HERC3: variants seen among roughly 807,000 people sequenced by gnomAD.
The protein encoded by HERC3 is probable E3 ubiquitin-protein ligase HERC3.
HERC3 carries 58 observed loss-of-function variants against 129.9 expected under a neutral mutation model. The observed-to-expected ratio is 0.45, with a 90% CI of 0.36 to 0.56. The LOEUF is 0.56. Ranked by LOEUF, HERC3 falls within the 20% of genes least tolerant of loss-of-function variation. The pLI, the probability that HERC3 is intolerant of heterozygous loss-of-function variation, is 0.00. For synonymous variants in HERC3, 430 were observed against 451.0 expected, an observed-to-expected ratio of 0.95 and a Z score of 0.59; for missense variants, 835 against 1,244.2, an observed-to-expected ratio of 0.67 and a Z score of 4.95.
chr4:88,658,129 G>A, intron 9 of HERC3: 1 of 234,492 alleles, frequency 4.3e-6, no homozygotes, highest in Non-Finnish European at 8.2e-6. Flanking sequence ...CAGGTCAGTG[G>A]CATGACAGAG....
At chr4:88,574,943 C>G in the HERC3 span, among the ~76,000 whole-genome samples, 1 of 152,050 alleles carries the variant, frequency 6.6e-6, no homozygotes, top group Non-Finnish European at 1.5e-5. Flanking sequence ...AGTAGAATGG[C>G]TGGGTCATAT....
At chr4:88,633,906 A>C (rs1353693760) in intron 3 of HERC3, among the ~76,000 whole-genome samples, 1 of 152,266 alleles carries the variant, frequency 6.6e-6, no homozygotes, top group Non-Finnish European at 1.5e-5. Flanking sequence ...CCAGGAATAC[A>C]GAGGAATGTT....
In HERC3 at chr4:88,652,113, A is replaced by G. The variant is rs753708459; in HGVS notation, c.463+25A>G. 1.2e-4 allele frequency: 172 copies of G among 1,469,962 alleles called. 1 individual carries two copies. The Middle Eastern group carries it at 1.2e-3, about 10-fold the overall frequency. 91.1% of individuals were successfully genotyped at this position (1,469,962 alleles called of 1,614,324 possible). ...GGTAAAGTAACATTAAACATATGCT[A>G]ATGCTATGTTAATTTTGAAAACATT... On this transcript the variant is annotated intron_variant, in intron 5 of 25. Transcript: ENST00000402738.
intron 16 of HERC3, among the ~76,000 whole-genome samples, chr4:88,674,345 T>G (rs542963479): frequency 1.3e-5 from 2 of 152,178 alleles, no homozygotes; most frequent in Non-Finnish European, 2.9e-5. Flanking sequence ...TTACACCAAC[T>G]AAAATGTCAG....
At chr4:88,677,367 C>T (rs554303314) in intron 18 of HERC3, among the ~76,000 whole-genome samples, 8 of 152,086 alleles carry the variant, frequency 5.3e-5, no homozygotes, top group Non-Finnish European at 1.2e-4. Flanking sequence ...GCCACAAAAA[C>T]GTTTGTGAAT....
chr4:88,552,175 C>T, the HERC3 span, among the ~76,000 whole-genome samples: 12 of 151,534 alleles, frequency 7.9e-5, no homozygotes, highest in South Asian at 2.5e-3. Context: ...AGGAGATATA[C>T]CTAAGGCTAA....
At chr4:88,687,742 T>C (rs890701196) in intron 23 of HERC3, among the ~76,000 whole-genome samples, 1 of 152,210 alleles carries the variant, frequency 6.6e-6, no homozygotes, top group Non-Finnish European at 1.5e-5. Context: ...TCAAAAAATA[T>C]GTGTTGAAGA....
intron 3 of HERC3, among the ~76,000 whole-genome samples, chr4:88,623,708 T>C (rs1192457877): frequency 2.0e-5 from 3 of 152,240 alleles, no homozygotes; most frequent in African/African-American, 4.8e-5. Context: ...ATGTTATTTA[T>C]CTTTTCACCC....
the HERC3 span, among the ~76,000 whole-genome samples, chr4:88,548,763 C>T: frequency 3.3e-5 from 5 of 151,538 alleles, no homozygotes; most frequent in Non-Finnish European, 5.9e-5. Flanking sequence ...CGGGTTCAAG[C>T]GATTCTCCTG....
the HERC3 span, among the ~76,000 whole-genome samples, chr4:88,524,475 T>C: frequency 6.6e-6 from 1 of 152,224 alleles, no homozygotes; most frequent in African/African-American, 2.4e-5. Flanking sequence ...CCAGGTTTGC[T>C]TCCCACTCTC....
chr4:88,693,244 T>TCAAA, intron 23 of HERC3: 13 of 979,502 alleles, frequency 1.3e-5, no homozygotes, highest in Non-Finnish European at 1.6e-5. Flanking sequence ...GTATCTTTTG[T>TCAAA]GTATAAAGGA....
the HERC3 span, among the ~76,000 whole-genome samples, chr4:88,547,185 T>C: frequency 6.6e-6 from 1 of 152,286 alleles, no homozygotes; most frequent in Non-Finnish European, 1.5e-5. Flanking sequence ...ATATCACTAC[T>C]CTAGTGAAAT....
intron 1 of HERC3, among the ~76,000 whole-genome samples, chr4:88,595,076 G>A (rs1722196265): frequency 6.9e-6 from 1 of 144,460 alleles, no homozygotes; most frequent in African/African-American, 2.6e-5. Flanking sequence ...ACTCCAGCCT[G>A]GGTGAAAGAG....
the HERC3 span, among the ~76,000 whole-genome samples, chr4:88,577,603 G>GTATATATATATATATATATA: frequency 1.0e-5 from 1 of 98,818 alleles, no homozygotes; most frequent in African/African-American, 1.1e-4. Context: ...GTGTATGTGT[G>GTATATATATATATATATATA]TGTATATATA....
Position 88,655,996 on chromosome 4 carries a change from T to C in HERC3, c.1030T>C (p.Tyr344His), listed in dbSNP as rs538167482. 1.2e-6 allele frequency: 2 copies of C among 1,614,166 alleles called. No individual in the cohort carries two copies. The highest frequency in any genetic ancestry group is 3.3e-5 in the Admixed American group (2 of 60,024). Residue 344 changes from tyrosine to histidine, a missense_variant, in exon 9 of 26, where the codon TAC becomes CAC. By Grantham distance (83) the Tyr-to-His change is moderately conservative (BLOSUM62 2). Transcript: ENST00000402738. The stretch of plus-strand genomic sequence containing the variant: ...TAAGTGCCCATCTCCTGTCAAGGGT[T>C]ACTGGGCTGCCCACAGTGGCCAGCT... ...NVKCPSPVKG[Y>H]WAAHSGQLSA... is the part of the protein sequence containing the mutation.
upstream of HERC3, among the ~76,000 whole-genome samples, chr4:88,590,888 T>C (rs1380746382): frequency 2.2e-5 from 2 of 92,852 alleles, no homozygotes; most frequent in Non-Finnish European, 3.8e-5. Context: ...TTTTTCTTTC[T>C]TTTTTTTTTT....
rs1735867763 is a variant in HERC3, at chr4:88,707,389, C to CT, written c.*435dup. 5.9e-6 allele frequency: 1 copy of CT among 168,746 alleles called. No homozygotes were observed. The highest frequency in any genetic ancestry group is 1.5e-4 in the South Asian group (1 of 6,812). The allele number at this position is 168,746 out of a possible 1,614,324, so 10.5% of individuals were successfully genotyped here. Reference sequence around the variant, plus strand: ...TAAGAATGATTTAGACTGACCTGTCCTTTTTTATCTGCGCATGCGAGAACA... The same window carrying CT: ...TAAGAATGATTTAGACTGACCTGTCCTTTTTTTATCTGCGCATGCGAGAACA... On this transcript the variant is annotated 3_prime_UTR_variant, in exon 26 of 26. Transcript: ENST00000402738.
At chr4:88,595,399 C>T (rs906297532) in intron 1 of HERC3, among the ~76,000 whole-genome samples, 158 bp from the exon 2 acceptor site, 12 of 152,160 alleles carry the variant, frequency 7.9e-5, no homozygotes, top group Non-Finnish European at 1.2e-4. Context: ...TTTAACCAAA[C>T]TCCTGTCTTG....
chr4:88,649,027 A>G (rs1376056855), intron 3 of HERC3, among the ~76,000 whole-genome samples: 1 of 151,512 alleles, frequency 6.6e-6, no homozygotes, highest in African/African-American at 2.4e-5. Flanking sequence ...ATCTTCTTTG[A>G]TTTCTCAAAA....
Sources: gnomAD v4.1 joint callset for allele counts (sites outside exome capture counted in the v4.1 genomes callset) on GRCh38, gnomAD v4.1.1 for gene constraint, MANE v1.5 for transcripts, NCBI Gene and HGNC (gene_info 2026-07-23, HGNC 2026-07-21) for gene names.